Variants in PLGRKT observed in about 807,000 individuals in gnomAD.
PLGRKT encodes plasminogen receptor (KT).
In PLGRKT, 22 loss-of-function variants were observed where a neutral mutation model predicts 18.5. That is an observed-to-expected ratio of 1.19 (90% CI 0.85 to 1.70). The LOEUF is 1.70. Ranked by LOEUF, PLGRKT falls within the 40% of genes most tolerant of loss-of-function variation. The pLI is 0.00. For missense variants in PLGRKT, 235 were observed against 174.4 expected (o/e 1.35, Z -1.96); for synonymous variants, 72 against 52.8 (o/e 1.36, Z -1.58).
At chr9:5,380,302 T>C (rs936483200) in intron 3 of PLGRKT, among the ~76,000 whole-genome samples, 1 of 150,644 alleles carries the variant, frequency 6.6e-6, no homozygotes, top group Admixed American at 6.6e-5. Context: ...GATGTGGAGC[T>C]TGCACAGTGA....
chr9:5,392,132 T>A (rs1473693466), intron 3 of PLGRKT, among the ~76,000 whole-genome samples: 1 of 151,898 alleles, frequency 6.6e-6, no homozygotes, highest in Non-Finnish European at 1.5e-5. Context: ...GCCTTTGGGT[T>A]TTTTTCCACT....
At chr9:5,411,445 T>C (rs914722128) in intron 3 of PLGRKT, among the ~76,000 whole-genome samples, 3 of 151,568 alleles carry the variant, frequency 2.0e-5, no homozygotes, top group African/African-American at 7.3e-5. Context: ...TCTACTCTGC[T>C]ACATGAACCA....
chr9:5,359,715 A>C (rs775315063), intron 5 of PLGRKT, among the ~76,000 whole-genome samples: 2 of 152,124 alleles, frequency 1.3e-5, no homozygotes, highest in Non-Finnish European at 2.9e-5. Context: ...ACTTTTTTTT[A>C]AACAGGAAAT....
At chr9:5,360,342 A>G (rs546330053) in intron 5 of PLGRKT, among the ~76,000 whole-genome samples, 1 of 152,242 alleles carries the variant, frequency 6.6e-6, no homozygotes, top group African/African-American at 2.4e-5. Context: ...AGGGCCAGAC[A>G]GTAAATATTA....
intron 3 of PLGRKT, among the ~76,000 whole-genome samples, chr9:5,428,266 C>T (rs75439301): frequency 0.029 from 4,427 of 152,256 alleles, 173 homozygotes; most frequent in East Asian, 0.12. Context: ...GTGGCTCTCT[C>T]CCTCCAGTCC....
intron 3 of PLGRKT, among the ~76,000 whole-genome samples, chr9:5,419,831 A>T (rs1818539881): frequency 6.6e-6 from 1 of 152,214 alleles, no homozygotes; most frequent in South Asian, 2.1e-4. Flanking sequence ...CAATAAGTTA[A>T]GCATAAAATT....
At position 5,392,457 on chromosome 9, in the gene PLGRKT, G is replaced by C. The variant is rs187181688; in HGVS notation, c.82-30569C>G. On this transcript the variant is annotated intron_variant, in intron 3 of 5. Transcript: ENST00000223864. ...AATACAGTTATTCATAAAGCAAATT[G>C]CTTAAGGCTAACTCACATTCTCACA... 1.1e-3 allele frequency: 172 copies of C among 151,956 alleles called. 3 individuals carry two copies. The highest frequency in any genetic ancestry group is 4.1e-3 in the African/African-American group (169 of 41,278). The allele number at this position is 151,956 out of a possible 1,614,324, so 9.4% of individuals were successfully genotyped here.
intron 3 of PLGRKT, among the ~76,000 whole-genome samples, chr9:5,362,785 G>C (rs1005107213): frequency 2.0e-5 from 3 of 152,146 alleles, no homozygotes; most frequent in Non-Finnish European, 4.4e-5. Flanking sequence ...TAGATGTAAA[G>C]ATGGGGCTTG....
chr9:5,374,076 G>A (rs1817580660), intron 3 of PLGRKT, among the ~76,000 whole-genome samples: 1 of 152,222 alleles, frequency 6.6e-6, no homozygotes, highest in Admixed American at 6.5e-5. Context: ...ACTTCTTGCT[G>A]ATGACGTCTA....
intron 3 of PLGRKT, among the ~76,000 whole-genome samples, chr9:5,410,823 C>T (rs1329261954): frequency 6.6e-6 from 1 of 152,046 alleles, no homozygotes; most frequent in African/African-American, 2.4e-5. Flanking sequence ...TAAGCGTTTA[C>T]AAATGAACAA....
At chr9:5,382,228 G>A (rs772572566) in intron 3 of PLGRKT, among the ~76,000 whole-genome samples, 3 of 152,186 alleles carry the variant, frequency 2.0e-5, no homozygotes, top group East Asian at 1.9e-4. Flanking sequence ...TGCCCTCATC[G>A]AGTCTAGTCT....
intron 3 of PLGRKT, among the ~76,000 whole-genome samples, chr9:5,424,682 A>ATG (rs1818657602): frequency 9.4e-6 from 1 of 106,180 alleles, no homozygotes; most frequent in African/African-American, 4.2e-5. Flanking sequence ...ATATATATAT[A>ATG]TATATATATA....
intron 3 of PLGRKT, chr9:5,381,876 C>T: frequency 1.0e-6 from 1 of 984,736 alleles, no homozygotes; most frequent in Non-Finnish European, 1.2e-6. Context: ...CCTCACAGAT[C>T]CTTAAGTTGT....
intron 3 of PLGRKT, among the ~76,000 whole-genome samples, chr9:5,404,704 T>C (rs1329445668): frequency 1.3e-5 from 2 of 152,144 alleles, no homozygotes; most frequent in African/African-American, 2.4e-5. Context: ...AGCATTCCCC[T>C]TGAAAACCAG....
In PLGRKT at chr9:5,399,894, G is replaced by A. The variant is rs139734838; in HGVS notation, c.81+32003C>T. Among the ~76,000 whole-genome samples the A allele has an allele frequency of 7.9e-5, 12 of 151,868 alleles. No homozygotes were observed. The East Asian group carries it at 2.3e-3, about 29-fold the overall frequency. ...TCATCCCAGCTACTCAGGAAGCTGA[G>A]GAAGGAGAATCACTTGAACCTGAAA... On this transcript the variant is annotated intron_variant, in intron 3 of 5. Transcript: ENST00000223864.
chr9:5,412,898 A>G (rs978576360), intron 3 of PLGRKT, among the ~76,000 whole-genome samples: 2 of 152,218 alleles, frequency 1.3e-5, no homozygotes, highest in African/African-American at 4.8e-5. Context: ...TATTCAAAGA[A>G]CACTTGAGGG....
In PLGRKT at chr9:5,362,959, G is replaced by A. The variant is rs569939243; in HGVS notation, c.82-1071C>T. Among the ~76,000 whole-genome samples the A allele has an allele frequency of 1.4e-3, 220 of 152,222 alleles. 1 individual carries two copies. The highest frequency in any genetic ancestry group is 4.9e-3 in the African/African-American group (203 of 41,558). On this transcript the variant is annotated intron_variant, in intron 3 of 5. Transcript: ENST00000223864. The stretch of plus-strand genomic sequence containing the variant: ...CAGAAATGGTTTCAGGGCAGACCTT[G>A]CAGAGAGCACACCTAAGAGAGGCCG...
intron 3 of PLGRKT, among the ~76,000 whole-genome samples, chr9:5,389,758 C>A (rs1185129662): frequency 1.3e-5 from 2 of 151,858 alleles, no homozygotes; most frequent in Admixed American, 6.6e-5. Flanking sequence ...TTAGCCTGCA[C>A]TCCAGGATAA....
intron 3 of PLGRKT, among the ~76,000 whole-genome samples, chr9:5,429,678 C>T (rs918708990): frequency 3.9e-5 from 6 of 152,180 alleles, no homozygotes; most frequent in Admixed American, 1.3e-4. Flanking sequence ...ATTCTAACGA[C>T]CTCATTTTAA....
Sources: gnomAD v4.1 joint callset for allele counts (sites outside exome capture counted in the v4.1 genomes callset) on GRCh38, gnomAD v4.1.1 for gene constraint, MANE v1.5 for transcripts, NCBI Gene and HGNC (gene_info 2026-07-23, HGNC 2026-07-21) for gene names.